DNAH6: variants seen among roughly 807,000 people sequenced by gnomAD.
DNAH6 encodes dynein axonemal heavy chain 6.
DNAH6 carries 340 observed loss-of-function variants against 491.4 expected under a neutral mutation model. The observed-to-expected ratio is 0.69, with a 90% CI of 0.63 to 0.76. The LOEUF is 0.76. DNAH6 is among the 30% of genes least tolerant of loss of function. The probability of loss-of-function intolerance (pLI) is 0.00; values close to 1 mark genes in which losing one functional copy is unlikely to be tolerated. For missense variants in DNAH6, 4,443 were observed against 4,972.2 expected (o/e 0.89, Z 3.20); for synonymous variants, 1,603 against 1,686.1 (o/e 0.95, Z 1.21).
intron 62 of DNAH6, among the ~76,000 whole-genome samples, chr2:84,736,033 T>C (rs1316170720): frequency 6.6e-6 from 1 of 152,146 alleles, no homozygotes; most frequent in Non-Finnish European, 1.5e-5. Flanking sequence ...AATTTTTATA[T>C]ATGGTAAGAA....
At chr2:84,738,325 G>A (rs908743674) in intron 62 of DNAH6, among the ~76,000 whole-genome samples, 6 of 152,114 alleles carry the variant, frequency 3.9e-5, no homozygotes, top group Non-Finnish European at 8.8e-5. Context: ...GTATCTTGTG[G>A]TTGTTAGGGA....
Position 84,536,778 on chromosome 2 carries a change from G to A in DNAH6, c.663-7455G>A, listed in dbSNP as rs576725864. On this transcript the variant is annotated intron_variant, in intron 4 of 76. Transcript: ENST00000389394. Reference sequence around the variant, plus strand: ...AGTGGTGACTTCAAGAACTTGGACAGATCATTCATCATGTCTTGATTAGAC... The same window carrying A: ...AGTGGTGACTTCAAGAACTTGGACAAATCATTCATCATGTCTTGATTAGAC... Among the ~76,000 whole-genome samples the A allele has an allele frequency of 3.3e-5, 5 of 152,094 alleles. No individual in the cohort carries two copies. The East Asian group carries it at 9.7e-4, about 29-fold the overall frequency.
At position 84,586,747 on chromosome 2, in the gene DNAH6, C is replaced by T. The variant is rs529908660; in HGVS notation, c.2482-2079C>T. ...GGGTTAAGTAACTTGCCAAGGGTCA[C>T]GCAGTTACTAAATGGAGGAATCTGG... On this transcript the variant is annotated intron_variant, in intron 15 of 76. Coordinates refer to ENST00000389394, the MANE Select transcript of DNAH6 (RefSeq NM_001370.2). 2.2e-4 allele frequency among the ~76,000 whole-genome samples: 33 copies of T among 152,248 alleles called. No individual in the cohort carries two copies. The South Asian group carries it at 4.4e-3, about 20-fold the overall frequency.
At chr2:84,639,160 G>C (rs1010470879) in intron 31 of DNAH6, among the ~76,000 whole-genome samples, 5 of 152,206 alleles carry the variant, frequency 3.3e-5, no homozygotes, top group Non-Finnish European at 5.9e-5. Flanking sequence ...ATGGTGGGGT[G>C]GGGGGCAGTT....
At chr2:84,793,426 G>T (rs1232227138) in intron 68 of DNAH6, among the ~76,000 whole-genome samples, 3 of 152,172 alleles carry the variant, frequency 2.0e-5, no homozygotes, top group Non-Finnish European at 4.4e-5. Flanking sequence ...AAACACTTCT[G>T]TGCTGCTTGT....
At chr2:84,531,720 A>C (rs1677189248) in intron 4 of DNAH6, among the ~76,000 whole-genome samples, 1 of 145,604 alleles carries the variant, frequency 6.9e-6, no homozygotes, top group South Asian at 2.3e-4. Flanking sequence ...AAAGGAGAAG[A>C]GATGGTAGAC....
rs1160175095 is a variant in DNAH6 at position 84,611,568 on chromosome 2, C to A, written c.3295-106C>A. The A allele has an allele frequency of 4.1e-6, 4 of 984,242 alleles. No homozygotes were observed. The African/African-American group carries it at 4.9e-5, about 12-fold the overall frequency. 61.0% of individuals were successfully genotyped at this position (984,242 alleles called of 1,614,324 possible). On this transcript the variant is annotated intron_variant, in intron 21 of 76. Coordinates refer to ENST00000389394, the MANE Select transcript of DNAH6 (RefSeq NM_001370.2). ...GACCTGTGAGGAGTCATAACACCACCCTCAAGGAAAAAGATACAGTGATTC... is the reference window on the plus strand; with the variant it reads ...GACCTGTGAGGAGTCATAACACCACACTCAAGGAAAAAGATACAGTGATTC...
At chr2:84,660,619 T>TA (rs566529589) in intron 37 of DNAH6, among the ~76,000 whole-genome samples, 2,277 of 149,108 alleles carry the variant, frequency 0.015, 27 homozygotes, top group Non-Finnish European at 0.024. Context: ...AGTATTTACT[T>TA]AAAAAAAAAA....
In DNAH6 at chr2:84,634,594, G is replaced by A. The variant is rs778432864; in HGVS notation, c.4606G>A (p.Val1536Ile). The A allele has an allele frequency of 8.4e-6, 13 of 1,550,020 alleles. No homozygotes were observed. The highest frequency in any genetic ancestry group is 2.0e-5 in the Admixed American group (1 of 50,762). ...TCGAATTGACATAGAAGTTCTGTCC[G>A]TCATCGCGCAGCAACTCATTACCAT... is the stretch of plus-strand genomic sequence containing the variant. Reference protein sequence around the residue: ...FNRIDIEVLSVIAQQLITIRN... With the variant: ...FNRIDIEVLSIIAQQLITIRN... The change falls in exon 30 of 77, where the codon GTC becomes ATC. Residue 1536 changes from valine to isoleucine, a missense_variant. This residue lies in a region of DNAH6 where 2,977 missense variants were observed against 3,296.6 expected (regional missense o/e 0.90). Coordinates refer to ENST00000389394, the MANE Select transcript of DNAH6 (RefSeq NM_001370.2).
At chr2:84,482,298 G>A in the DNAH6 span, among the ~76,000 whole-genome samples, 2 of 152,210 alleles carry the variant, frequency 1.3e-5, no homozygotes, top group African/African-American at 4.8e-5. Flanking sequence ...CTCAAGGAAG[G>A]TCCTTGGCAA....
chr2:84,480,327 T>C, the DNAH6 span, among the ~76,000 whole-genome samples: 4 of 152,190 alleles, frequency 2.6e-5, no homozygotes, highest in Non-Finnish European at 5.9e-5. Context: ...TGTTGACTTA[T>C]AGACTTTTAT....
intron 39 of DNAH6, among the ~76,000 whole-genome samples, chr2:84,670,863 A>G (rs1692676594): frequency 6.6e-6 from 1 of 152,192 alleles, no homozygotes; most frequent in African/African-American, 2.4e-5. Context: ...TTCAGTCAGT[A>G]CTTTCAGCCA....
chr2:84,689,251 C>A (rs189007043), intron 45 of DNAH6, among the ~76,000 whole-genome samples: 83 of 152,344 alleles, frequency 5.4e-4, no homozygotes, highest in Middle Eastern at 6.8e-3. Context: ...TGGAGCATCT[C>A]ATTTACCTGG....
In DNAH6 at chr2:84,703,556, C is replaced by T. The variant is rs575189795; in HGVS notation, c.8223C>T (p.Ala2741=). 6.1e-5 allele frequency: 94 copies of T among 1,549,982 alleles called. No homozygotes were observed. In the Middle Eastern group the frequency reaches 1.0e-3, roughly 17 times the overall value. ...AATTGGCAGTGGATCAAGAAAGTGC[C>T]GATCAGGTATGCTGCAGTTCCTGAG... ...MEKLAVDQES[A]DQVRNTVQED... Residue 2741 remains alanine (A), a synonymous_variant, in exon 50 of 77, where the codon GCC becomes GCT. Transcript: ENST00000389394.
At chr2:84,551,026 C>T (rs6745658) in intron 9 of DNAH6, among the ~76,000 whole-genome samples, 95 of 152,084 alleles carry the variant, frequency 6.2e-4, no homozygotes, top group Admixed American at 1.2e-3. Flanking sequence ...AAGTTTTGCC[C>T]TAGCTCCATC....
intron 40 of DNAH6, among the ~76,000 whole-genome samples, chr2:84,673,976 G>A (rs1176118936): frequency 6.6e-6 from 1 of 152,212 alleles, no homozygotes; most frequent in East Asian, 1.9e-4. Context: ...GTGGGGTATA[G>A]AGTCAAGAGG....
chr2:84,754,580 A>T (rs1205628414), intron 63 of DNAH6, among the ~76,000 whole-genome samples: 1 of 152,244 alleles, frequency 6.6e-6, no homozygotes, highest in Non-Finnish European at 1.5e-5. Flanking sequence ...CTTGCTGAAA[A>T]TCAGTTGACT....
intron 64 of DNAH6, among the ~76,000 whole-genome samples, chr2:84,780,777 G>A (rs1437603730): frequency 7.1e-6 from 1 of 140,036 alleles, no homozygotes; most frequent in Non-Finnish European, 1.5e-5. Flanking sequence ...ATTTCGTTGA[G>A]GCTTTTTTTT....
At chr2:84,729,638 T>G (rs965566034) in intron 61 of DNAH6, among the ~76,000 whole-genome samples, 1 of 152,224 alleles carries the variant, frequency 6.6e-6, no homozygotes, top group Non-Finnish European at 1.5e-5. Flanking sequence ...CTTGAAAAGT[T>G]TAAAATATGT....
Sources: allele counts gnomAD v4.1 joint callset (sites outside exome capture counted in the v4.1 genomes callset), GRCh38; gene constraint gnomAD v4.1.1; regional missense constraint gnomAD v4.1.1; transcripts MANE v1.5; gene names NCBI Gene and HGNC (gene_info 2026-07-23, HGNC 2026-07-21).